The following SRRT variants were observed in gnomAD, a reference collection of about 807,000 sequenced individuals.
SRRT encodes the protein serrate, RNA effector molecule.
SRRT carries 32 observed loss-of-function variants against 103.2 expected under a neutral mutation model. That is an observed-to-expected ratio of 0.31 (90% CI 0.23 to 0.42). The LOEUF is 0.42. Among genes scored for constraint, SRRT ranks in the 10% least tolerant of loss-of-function variants. The pLI is 1.00. For synonymous variants in SRRT, 525 were observed against 449.0 expected (o/e 1.17, Z -2.14); for missense variants, 986 against 1,207.5 (o/e 0.82, Z 2.72).
intron 2 of SRRT, among the ~76,000 whole-genome samples, chr7:100,878,958 T>C (rs904848154): frequency 4.6e-5 from 7 of 151,542 alleles, no homozygotes; most frequent in Non-Finnish European, 8.8e-5. Context: ...TTTTCTTTCT[T>C]TCTTTCATTC....
Position 100,876,540 on chromosome 7 carries a change from T to C in SRRT, c.122+828T>C, listed in dbSNP as rs113371040. On this transcript the variant is annotated intron_variant, in intron 2 of 19. Transcript: ENST00000611405. ...GGATTGCTTCAGAAAAATAATAATA[T>C]AGAGTTGATCTGACTGGAGAGGTCG... is the stretch of plus-strand genomic sequence containing the variant. 5.9e-5 allele frequency among the ~76,000 whole-genome samples: 9 copies of C among 152,256 alleles called. 1 individual carries two copies. Among genetic ancestry groups the C allele is most frequent in the African/African-American group, 9.6e-5 (4 of 41,536 alleles).
Position 100,885,119 on chromosome 7 carries a change from G to A in SRRT, c.1159+79G>A, listed in dbSNP as rs1789964857. On this transcript the variant is annotated intron_variant, in intron 9 of 19. Coordinates refer to ENST00000611405, the MANE Select transcript of SRRT (RefSeq NM_015908.6). The surrounding 1 kb of genome is among the most constrained non-coding windows in gnomAD (Gnocchi z 4.8). ...GAGAGGTTGGCGACATTGACGGGAG[G>A]GTGGGTGGCTTTTAGGGGAAAGCTT... 3 of 1,603,362 alleles carry A rather than the reference G, an allele frequency of 1.9e-6. No homozygotes were observed. The highest frequency in any genetic ancestry group is 1.7e-5 in the Admixed American group (1 of 59,302).
intron 2 of SRRT, among the ~76,000 whole-genome samples, chr7:100,876,386 A>G (rs1283988316): frequency 6.6e-6 from 1 of 152,186 alleles, no homozygotes; most frequent in Non-Finnish European, 1.5e-5. Flanking sequence ...TCTCGACTTT[A>G]GGTAATCCAC....
chr7:100,887,020 C>T lies in SRRT; in HGVS notation c.1822-27C>T. 1 of 1,612,798 alleles carries T rather than the reference C, an allele frequency of 6.2e-7. No individual in the cohort carries two copies. Among genetic ancestry groups the T allele is most frequent in the Non-Finnish European group, 8.5e-7 (1 of 1,178,968 alleles). On this transcript the variant is annotated intron_variant, in intron 14 of 19. Coordinates refer to ENST00000611405, the MANE Select transcript of SRRT (RefSeq NM_015908.6). This position sits in a 1 kb window ranked among gnomAD's most constrained non-coding sequence, Gnocchi z 4.1. ...GGGGCTCGGGCGGTGAGGGCAGGAG[C>T]TGAACGCTCGCATTCACTTCCCTTA... is the stretch of plus-strand genomic sequence containing the variant.
In SRRT at chr7:100,888,036, G is replaced by C. The variant is rs776445599; in HGVS notation, c.2327-6G>C. ...CCCGCAGTAATTCATGTCCCTGTCC[G>C]TGTTGTACTCCCCCCAGGTTTGACC... On this transcript the variant is annotated splice_polypyrimidine_tract_variant and splice_region_variant and intron_variant, in intron 17 of 19. Coordinates refer to ENST00000611405, the MANE Select transcript of SRRT (RefSeq NM_015908.6). 1 of 1,533,036 alleles carries C rather than the reference G, an allele frequency of 6.5e-7. No individual in the cohort carries two copies. The highest frequency in any genetic ancestry group is 8.7e-7 in the Non-Finnish European group (1 of 1,144,074). The allele number at this position is 1,533,036 out of a possible 1,614,324, so 95.0% of individuals were successfully genotyped here.
chr7:100,883,505 G>T (rs567044982), intron 5 of SRRT, among the ~76,000 whole-genome samples: 1 of 152,326 alleles, frequency 6.6e-6, no homozygotes, highest in East Asian at 1.9e-4. Flanking sequence ...GGGCACTCCA[G>T]TGTCTCCCTT....
Position 100,885,967 on chromosome 7 carries a change from G to A in SRRT, c.1458+26G>A. 6.2e-7 allele frequency: 1 copy of A among 1,610,596 alleles called. No homozygotes were observed. The highest frequency in any genetic ancestry group is 8.5e-7 in the Non-Finnish European group (1 of 1,177,458). On this transcript the variant is annotated intron_variant, in intron 12 of 19. Coordinates refer to ENST00000611405, the MANE Select transcript of SRRT (RefSeq NM_015908.6). This position sits in a 1 kb window ranked among gnomAD's most constrained non-coding sequence, Gnocchi z 4.8. ...GTGAGTGCTGGGGGTGGGACTGTGG[G>A]GAAGAGGAAGGGAGACTCTGTGCCA... is the stretch of plus-strand genomic sequence containing the variant.
rs760419901 is a variant in SRRT, at chr7:100,882,014, C to G, written c.399-39C>G. On this transcript the variant is annotated intron_variant, in intron 4 of 19. Transcript: ENST00000611405. The surrounding 1 kb of genome is among the most constrained non-coding windows in gnomAD (Gnocchi z 4.2). ...TTGGCCCCTGTAGCCTCCCACCGTT[C>G]CCCAAAAACCAAGCCTTCCTGACCG... 6.3e-7 allele frequency: 1 copy of G among 1,588,514 alleles called. No individual in the cohort carries two copies. Among genetic ancestry groups the G allele is most frequent in the Non-Finnish European group, 8.6e-7 (1 of 1,168,988 alleles).
chr7:100,885,322 CTT>C lies in SRRT; in HGVS notation c.1270_1271del (p.Phe424HisfsTer18). The C allele has an allele frequency of 6.2e-7, 1 of 1,614,172 alleles. No individual in the cohort carries two copies. The highest frequency in any genetic ancestry group is 8.5e-7 in the Non-Finnish European group (1 of 1,180,032). On this transcript the variant is annotated frameshift_variant, in exon 10 of 20. Coordinates refer to ENST00000611405, the MANE Select transcript of SRRT (RefSeq NM_015908.6). LOFTEE classifies it high-confidence loss of function. This position sits in a 1 kb window ranked among gnomAD's most constrained non-coding sequence, Gnocchi z 4.8. ...GGCCGCTGCATAAGACCTGCTCCCT[CTT>C]CATGCGCAACATCGCGCCCAACATC... is the stretch of plus-strand genomic sequence containing the variant. Reference protein sequence around the residue: ...PRPLHKTCSLFMRNIAPNISR... With the variant: ...PRPLHKTCSLXMRNIAPNISR...
Position 100,885,715 on chromosome 7 carries a change from C to G in SRRT, c.1332C>G (p.Tyr444Ter). 1 of 1,612,832 alleles carries G rather than the reference C, an allele frequency of 6.2e-7. No individual in the cohort carries two copies. Among genetic ancestry groups the G allele is most frequent in the Non-Finnish European group, 8.5e-7 (1 of 1,179,380 alleles). ...GCTTCTTGCAGCTTTGTAAAAGGTACCCAGGCTTTATGCGGGTGGCGCTCT... is the reference window on the plus strand; with the variant it reads ...GCTTCTTGCAGCTTTGTAAAAGGTAGCCAGGCTTTATGCGGGTGGCGCTCT... ...RAEIISLCKR[Y>*]PGFMRVALSE... Residue 444 changes from tyrosine (Y) to a stop codon, truncating the protein, a stop_gained, in exon 11 of 20, where the codon TAC (tyrosine) becomes TAG (stop). Coordinates refer to ENST00000611405, the MANE Select transcript of SRRT (RefSeq NM_015908.6). LOFTEE classifies it high-confidence loss of function. The surrounding 1 kb of genome is among the most constrained non-coding windows in gnomAD (Gnocchi z 4.8).
chr7:100,878,929 C>T (rs574779402), intron 2 of SRRT, among the ~76,000 whole-genome samples: 2 of 151,374 alleles, frequency 1.3e-5, no homozygotes, highest in South Asian at 2.1e-4. Flanking sequence ...CTTTTCCTTC[C>T]TTTCTTTCTT....
At chr7:100,875,512 G>A in intron 1 of SRRT, 61 bp from the exon 2 acceptor site, 1 of 1,595,040 alleles carries the variant, frequency 6.3e-7, no homozygotes, top group Non-Finnish European at 8.6e-7. Flanking sequence ...GCCCGCGAGG[G>A]ACGGTCCCTT....
In SRRT at chr7:100,886,343, AACG is replaced by A; in HGVS notation, c.1558_1560del (p.Asp520del). 6.2e-7 allele frequency: 1 copy of A among 1,613,776 alleles called. No individual in the cohort carries two copies. Among genetic ancestry groups the A allele is most frequent in the Non-Finnish European group, 8.5e-7 (1 of 1,180,010 alleles). ...CACCCAGCACAAGCAGATTGTGCGC[AACG>A]ACATCAAGCTGGCGGCCAAGCTGAT... On this transcript the variant is annotated inframe_deletion, in exon 13 of 20. Coordinates refer to ENST00000611405, the MANE Select transcript of SRRT (RefSeq NM_015908.6).
At chr7:100,881,967 A>C in intron 4 of SRRT, 86 bp from the exon 5 acceptor site, 1 of 1,511,168 alleles carries the variant, frequency 6.6e-7, no homozygotes, top group Non-Finnish European at 8.9e-7. Context: ...ATGGTGGACA[A>C]AGTAAAGGGG....
chr7:100,885,462 C>CT lies in SRRT; in HGVS notation c.1317+92_1317+93insT, dbSNP rs34822117. 71,071 of 1,387,370 alleles carry CT rather than the reference C, an allele frequency of 0.051. 3,300 individuals are homozygous for CT. Among genetic ancestry groups the CT allele is most frequent in the African/African-American group, 0.23 (15,642 of 69,510 alleles). The allele number at this position is 1,387,370 out of a possible 1,614,324, so 85.9% of individuals were successfully genotyped here. On this transcript the variant is annotated intron_variant, in intron 10 of 19. Coordinates refer to ENST00000611405, the MANE Select transcript of SRRT (RefSeq NM_015908.6). The surrounding 1 kb of genome is among the most constrained non-coding windows in gnomAD (Gnocchi z 4.8). ...GGGCCCTGCCTGTGACAGATGCCCC[C>CT]GTTTCACCTGCTAGGGAGGCCCCTT...
Position 100,887,891 on chromosome 7 carries a change from C to T in SRRT, c.2326+32C>T, listed in dbSNP as rs771569930. The T allele has an allele frequency of 1.6e-5, 26 of 1,584,362 alleles. No individual in the cohort carries two copies. The African/African-American group carries it at 2.8e-4, about 17-fold the overall frequency. On this transcript the variant is annotated intron_variant, in intron 17 of 19. Transcript: ENST00000611405. This position sits in a 1 kb window ranked among gnomAD's most constrained non-coding sequence, Gnocchi z 4.1. ...TACGATCCATGAAGGTCGCATGTGC[C>T]CTCTTCCTTGACTACCCAGGGACTC... is the stretch of plus-strand genomic sequence containing the variant.
In SRRT at chr7:100,884,527, A is replaced by C. The variant is rs780973393; in HGVS notation, c.917A>C (p.Asp306Ala). 2.7e-5 allele frequency: 42 copies of C among 1,580,980 alleles called. No individual in the cohort carries two copies. In the East Asian group the frequency reaches 1.0e-3, roughly 38 times the overall value. Residue 306 changes from aspartate (D) to alanine (A), a missense_variant, in exon 7 of 20, where the codon GAT (aspartate) becomes GCT (alanine). This residue lies in a region of SRRT where 166 missense variants were observed against 148.6 expected (regional missense o/e 1.12). Transcript: ENST00000611405. The part of the protein sequence containing the change: ...GDGERKTNDK[D>A]EKKEDGKQAE... ...GGGGAGCGCAAAACCAACGACAAGGATGAGAAGAAGGAAGACGGCAAGCAG... is the reference window on the plus strand; with the variant it reads ...GGGGAGCGCAAAACCAACGACAAGGCTGAGAAGAAGGAAGACGGCAAGCAG...
Position 100,887,914 on chromosome 7 carries a change from C to G in SRRT, c.2326+55C>G, listed in dbSNP as rs1217903001. 1 of 1,565,560 alleles carries G rather than the reference C, an allele frequency of 6.4e-7. No individual in the cohort carries two copies. The highest frequency in any genetic ancestry group is 2.3e-5 in the East Asian group (1 of 44,088). On this transcript the variant is annotated intron_variant, in intron 17 of 19. Transcript: ENST00000611405. The surrounding 1 kb of genome is among the most constrained non-coding windows in gnomAD (Gnocchi z 4.1). ...GCCCTCTTCCTTGACTACCCAGGGACTCCTGTTTCTCTTTAACGTGTCACC... is the reference window on the plus strand; with the variant it reads ...GCCCTCTTCCTTGACTACCCAGGGAGTCCTGTTTCTCTTTAACGTGTCACC...
chr7:100,886,464 G>A (rs757549173), intron 13 of SRRT, 29 bp downstream of exon 13: 1 of 1,588,426 alleles, frequency 6.3e-7, no homozygotes, highest in South Asian at 1.1e-5. Context: ...GACTTTGTCA[G>A]AAGCAACTGG....
Sources: gnomAD v4.1 joint callset for allele counts (sites outside exome capture counted in the v4.1 genomes callset) on GRCh38, gnomAD v4.1.1 for gene constraint, gnomAD v4.1.1 regional missense constraint, Gnocchi (gnomAD v3.1) non-coding constraint, MANE v1.5 for transcripts, NCBI Gene and HGNC (gene_info 2026-07-23, HGNC 2026-07-21) for gene names.